The following CNBP variants were observed in gnomAD, a reference collection of about 807,000 sequenced individuals.
The protein encoded by CNBP is cellular nucleic acid-binding protein.
A neutral mutation model predicts 21.2 loss-of-function variants in CNBP; 6 were observed. The observed-to-expected ratio is 0.28, with a 90% CI of 0.16 to 0.56. CNBP has a LOEUF of 0.56. Ranked by LOEUF, CNBP falls within the 20% of genes least tolerant of loss-of-function variation. The pLI, the probability that CNBP is intolerant of heterozygous loss-of-function variation, is 0.93. For missense variants in CNBP, 112 were observed against 233.1 expected (o/e 0.48, Z 3.38); for synonymous variants, 61 against 74.9 (o/e 0.81, Z 0.96).
At chr3:129,176,609 C>T (rs925328040) in intron 1 of CNBP, among the ~76,000 whole-genome samples, 8 of 152,172 alleles carry the variant, frequency 5.3e-5, no homozygotes, top group African/African-American at 1.9e-4. Flanking sequence ...TAAATTATTG[C>T]TATCAGTCAC....
chr3:129,177,006 G>A (rs1288045186), intron 1 of CNBP, among the ~76,000 whole-genome samples: 1 of 152,004 alleles, frequency 6.6e-6, no homozygotes, highest in Non-Finnish European at 1.5e-5. Context: ...TTACACCCAA[G>A]ACAACTAAAA....
chr3:129,172,652 GCAGGCAGACAGACAGACAGA>G (rs1340993803), intron 1 of CNBP, among the ~76,000 whole-genome samples: 15 of 109,366 alleles, frequency 1.4e-4, no homozygotes, highest in African/African-American at 5.1e-4. Flanking sequence ...AGGCAGGCAG[GCAGGCAGACAGACAGACAGA>G]CAGACAGACA....
rs1576907036 is a variant in CNBP, at chr3:129,170,267, T to C, written c.*186A>G. 6.7e-6 allele frequency: 4 copies of C among 599,944 alleles called. No individual in the cohort carries two copies. The East Asian group carries it at 8.3e-5, about 12-fold the overall frequency. 37.2% of individuals were successfully genotyped at this position (599,944 alleles called of 1,614,324 possible). On this transcript the variant is annotated 3_prime_UTR_variant, in exon 5 of 5. Transcript: ENST00000422453. ...CATAACACCTCTACCAAACTAAACA[T>C]AAACTTTTTTTGTAGTTAAATGCAG... is the stretch of plus-strand genomic sequence containing the variant.
At chr3:129,182,995 A>G (rs536819094) in intron 1 of CNBP, among the ~76,000 whole-genome samples, 2 of 152,036 alleles carry the variant, frequency 1.3e-5, no homozygotes, top group African/African-American at 4.8e-5. Context: ...TCTGTTGCCC[A>G]TGCTGGAGTG....
chr3:129,179,674 A>G (rs753758354), intron 1 of CNBP, among the ~76,000 whole-genome samples: 1 of 152,186 alleles, frequency 6.6e-6, no homozygotes, highest in Non-Finnish European at 1.5e-5. Flanking sequence ...AGCCTGGCCA[A>G]CATAGTGACA....
chr3:129,170,588 A>T lies in CNBP; in HGVS notation c.417-18T>A. On this transcript the variant is annotated intron_variant, in intron 4 of 4. Transcript: ENST00000422453. The stretch of plus-strand genomic sequence containing the variant: ...CACCACACCTAAAAAAGAAATTAAA[A>T]GTTTTCACAATGGGCCTCAGAAAAA... 1 of 1,598,924 alleles carries T rather than the reference A, an allele frequency of 6.3e-7. No homozygotes were observed.
intron 1 of CNBP, 43 bp from the exon 2 acceptor site, chr3:129,171,814 C>T: frequency 6.4e-7 from 1 of 1,562,944 alleles, no homozygotes; most frequent in Non-Finnish European, 8.7e-7. Flanking sequence ...ACTGAAAGTT[C>T]TTTTAACTTT....
chr3:129,176,691 G>A (rs1025612718), intron 1 of CNBP, among the ~76,000 whole-genome samples: 1 of 152,136 alleles, frequency 6.6e-6, no homozygotes, highest in Non-Finnish European at 1.5e-5. Flanking sequence ...ACTGACTACA[G>A]TCACTCTCTG....
At chr3:129,179,867 G>A (rs773515998) in intron 1 of CNBP, among the ~76,000 whole-genome samples, 7 of 152,138 alleles carry the variant, frequency 4.6e-5, no homozygotes, top group South Asian at 2.1e-4. Context: ...TTAGCCGGGC[G>A]TGGTGGCACA....
Position 129,170,301 on chromosome 3 carries a change from T to G in CNBP, c.*152A>C. 1.5e-6 allele frequency: 1 copy of G among 669,896 alleles called. No individual in the cohort carries two copies. Among genetic ancestry groups the G allele is most frequent in the Non-Finnish European group, 2.6e-6 (1 of 380,050 alleles). 41.5% of individuals were successfully genotyped at this position (669,896 alleles called of 1,614,324 possible). On this transcript the variant is annotated 3_prime_UTR_variant, in exon 5 of 5. Transcript: ENST00000422453. ...TTTGTAGTTAAATGCAGAAAGTCGG[T>G]TTTTTTCCACCCCTTTCCTCCTTTT... is the stretch of plus-strand genomic sequence containing the variant.
chr3:129,182,223 TCTA>T (rs1938348454), intron 1 of CNBP, among the ~76,000 whole-genome samples: 1 of 152,066 alleles, frequency 6.6e-6, no homozygotes, highest in Non-Finnish European at 1.5e-5. Context: ...GGGGGAAAAA[TCTA>T]CTTTTAAAAA....
intron 1 of CNBP, among the ~76,000 whole-genome samples, chr3:129,173,729 A>G (rs1194566374): frequency 4.6e-5 from 7 of 152,216 alleles, no homozygotes; most frequent in Non-Finnish European, 1.0e-4. Context: ...CCATATCTAA[A>G]TATTTTTACC....
rs1290429229 is a variant in CNBP at position 129,168,084 on chromosome 3, C to T, written c.*2369G>A. Among the ~76,000 whole-genome samples, 1 of 152,068 alleles carries T rather than the reference C, an allele frequency of 6.6e-6. No homozygotes were observed. The highest frequency in any genetic ancestry group is 1.5e-5 in the Non-Finnish European group (1 of 68,034). On this transcript the variant is annotated 3_prime_UTR_variant, in exon 5 of 5. Transcript: ENST00000422453. The stretch of plus-strand genomic sequence containing the variant: ...GCATGAAGGATGAAAAACTCATACC[C>T]AAAGTCAAGAATCACACAGCAGCAT...
chr3:129,172,648 GCAGGCAGGCAGACAGACAGACAGA>G (rs1165171479), intron 1 of CNBP, among the ~76,000 whole-genome samples: 13 of 110,528 alleles, frequency 1.2e-4, no homozygotes, highest in Non-Finnish European at 1.7e-4. Context: ...AGGCAGGCAG[GCAGGCAGGCAGACAGACAGACAGA>G]CAGACAGACA....
intron 1 of CNBP, among the ~76,000 whole-genome samples, chr3:129,180,762 CTTT>C (rs755567747): frequency 1.4e-5 from 2 of 140,022 alleles, no homozygotes; most frequent in Non-Finnish European, 1.6e-5. Context: ...AGGAACCAAT[CTTT>C]TTTTTTTTTT....
intron 1 of CNBP, among the ~76,000 whole-genome samples, chr3:129,182,442 C>T (rs1938363241): frequency 6.6e-6 from 1 of 152,030 alleles, no homozygotes; most frequent in Admixed American, 6.6e-5. Flanking sequence ...TTTGGAAGTG[C>T]CCTGTGGCTG....
chr3:129,171,848 G>T, intron 1 of CNBP, 77 bp from the exon 2 acceptor site: 1 of 1,446,208 alleles, frequency 6.9e-7, no homozygotes, highest in Non-Finnish European at 9.3e-7. Context: ...ATGTATTTTT[G>T]GAAAATTATT....
At position 129,168,558 on chromosome 3, in the gene CNBP, A is replaced by T. The variant is rs1468496870; in HGVS notation, c.*1895T>A. Among the ~76,000 whole-genome samples the T allele has an allele frequency of 7.9e-6, 1 of 125,924 alleles. No individual in the cohort carries two copies. Among genetic ancestry groups the T allele is most frequent in the Non-Finnish European group, 1.6e-5 (1 of 63,054 alleles). The allele number at this position is 125,924 out of a possible 152,430, so 82.6% of individuals were successfully genotyped here. A position where few individuals can be genotyped will look rare whatever the true frequency, so the allele number is the denominator to read the frequency against. On this transcript the variant is annotated 3_prime_UTR_variant, in exon 5 of 5. Transcript: ENST00000422453. ...GGGGGGTGGAGGTTGCAGTGAGCTG[A>T]GATTGCACCATTGCACTCTAGCCTG...
Position 129,170,431 on chromosome 3 carries a change from G to A in CNBP, c.*22C>T, listed in dbSNP as rs746102562. The stretch of plus-strand genomic sequence containing the variant: ...TAATACAACCATCAATCAGAAAAAG[G>A]AGGGGCGACAAAGGAAAATAATTAG... On this transcript the variant is annotated 3_prime_UTR_variant, in exon 5 of 5. Coordinates refer to ENST00000422453, the MANE Select transcript of CNBP (RefSeq NM_003418.5). The A allele has an allele frequency of 6.3e-7, 1 of 1,578,928 alleles. No individual in the cohort carries two copies. The highest frequency in any genetic ancestry group is 1.1e-5 in the South Asian group (1 of 90,376).
Sources: gnomAD v4.1 joint callset for allele counts (sites outside exome capture counted in the v4.1 genomes callset) on GRCh38, gnomAD v4.1.1 for gene constraint, MANE v1.5 for transcripts, NCBI Gene and HGNC (gene_info 2026-07-23, HGNC 2026-07-21) for gene names.